The following VPS54 variants were observed in gnomAD, a reference collection of about 807,000 sequenced individuals.
The protein encoded by VPS54 is vacuolar protein sorting-associated protein 54.
VPS54 carries 45 observed loss-of-function variants against 121.5 expected under a neutral mutation model. The observed-to-expected ratio is 0.37, with a 90% CI of 0.29 to 0.47. The LOEUF (loss-of-function observed/expected upper bound fraction) is 0.47, where lower values mean the gene tolerates loss of function less well. VPS54 is among the 20% of genes least tolerant of loss of function. The pLI is 0.99. For missense variants in VPS54, 1,090 were observed against 1,131.4 expected, an observed-to-expected ratio of 0.96 and a Z score of 0.52; for synonymous variants, 371 against 385.8, an observed-to-expected ratio of 0.96 and a Z score of 0.45.
At chr2:63,969,529 C>G (rs1262453773) in intron 4 of VPS54, among the ~76,000 whole-genome samples, 1 of 152,176 alleles carries the variant, frequency 6.6e-6, no homozygotes, top group Non-Finnish European at 1.5e-5. Flanking sequence ...GATGATCTGT[C>G]ACTGTCTCCC....
chr2:63,940,986 G>A (rs1319161214), intron 11 of VPS54, among the ~76,000 whole-genome samples: 1 of 152,156 alleles, frequency 6.6e-6, no homozygotes, highest in Non-Finnish European at 1.5e-5. Context: ...AACCTGATTG[G>A]AGAGCTTACA....
intron 20 of VPS54, among the ~76,000 whole-genome samples, chr2:63,910,902 C>T (rs989657069): frequency 1.3e-5 from 2 of 152,052 alleles, no homozygotes; most frequent in African/African-American, 4.8e-5. Flanking sequence ...ATTAATTGTT[C>T]CACTATTTTT....
chr2:63,949,974 T>C (rs529424813), intron 7 of VPS54, among the ~76,000 whole-genome samples: 1 of 152,322 alleles, frequency 6.6e-6, no homozygotes, highest in Admixed American at 6.5e-5. Flanking sequence ...CTGCTGCTTC[T>C]ATCTCTTTTT....
At chr2:63,924,293 C>G (rs1307302695) in intron 12 of VPS54, among the ~76,000 whole-genome samples, 1 of 152,168 alleles carries the variant, frequency 6.6e-6, no homozygotes, top group Non-Finnish European at 1.5e-5. Flanking sequence ...TCCCTTATAG[C>G]TAGACATAGT....
At chr2:63,916,620 T>A (rs975085184) in intron 16 of VPS54, among the ~76,000 whole-genome samples, 1 of 152,152 alleles carries the variant, frequency 6.6e-6, no homozygotes, top group African/African-American at 2.4e-5. Context: ...ATGGATCCAC[T>A]ACAATTACTC....
At chr2:63,988,615 G>A (rs747682495) in intron 1 of VPS54, among the ~76,000 whole-genome samples, 9 of 152,078 alleles carry the variant, frequency 5.9e-5, no homozygotes, top group East Asian at 3.9e-4. Context: ...AAGATTTCAC[G>A]GACATTTATC....
chr2:63,954,425 TTTTGAAAACAGC>T (rs1675397980), intron 7 of VPS54, among the ~76,000 whole-genome samples: 1 of 152,150 alleles, frequency 6.6e-6, no homozygotes. Flanking sequence ...CAATTCGTTA[TTTTGAAAACAGC>T]TAAATAAAGG....
At chr2:63,903,382 T>G (rs912437366) in intron 20 of VPS54, among the ~76,000 whole-genome samples, 2 of 152,166 alleles carry the variant, frequency 1.3e-5, no homozygotes, top group African/African-American at 4.8e-5. Context: ...GGCAGATACA[T>G]TCACAAGAAA....
At chr2:63,972,307 G>C (rs1413183921) in intron 3 of VPS54, 63 bp from the exon 4 acceptor site, 1 of 1,286,590 alleles carries the variant, frequency 7.8e-7, no homozygotes, top group African/African-American at 1.5e-5. Flanking sequence ...AAGCATGAAA[G>C]TGTTTTGCAA....
chr2:64,013,677 TATTGATATATATCACATATATAG>T (rs1678550235), intron 1 of VPS54, among the ~76,000 whole-genome samples: 1 of 146,746 alleles, frequency 6.8e-6, no homozygotes, highest in African/African-American at 2.5e-5. Context: ...TATATCTATA[TATTGATATATATCACATATATAG>T]AGATATATAT....
chr2:63,981,432 A>C (rs1166512721), intron 3 of VPS54, among the ~76,000 whole-genome samples: 1 of 152,150 alleles, frequency 6.6e-6, no homozygotes, highest in Non-Finnish European at 1.5e-5. Flanking sequence ...ATTATTTGGA[A>C]TGTGTAATTC....
intron 1 of VPS54, among the ~76,000 whole-genome samples, chr2:63,999,874 G>A (rs921622895): frequency 3.3e-5 from 5 of 150,696 alleles, no homozygotes; most frequent in African/African-American, 1.2e-4. Context: ...GCCGTTTTTT[G>A]TTTTGAGATG....
chr2:63,991,109 A>C (rs1677296794), intron 1 of VPS54, among the ~76,000 whole-genome samples: 1 of 152,202 alleles, frequency 6.6e-6, no homozygotes, highest in African/African-American at 2.4e-5. Context: ...ACTTATGCCC[A>C]ATTAAACTTT....
At chr2:63,939,746 A>G (rs991747200) in intron 11 of VPS54, among the ~76,000 whole-genome samples, 3 of 150,610 alleles carry the variant, frequency 2.0e-5, no homozygotes, top group African/African-American at 7.3e-5. Flanking sequence ...ATCACACTAT[A>G]TAAGTACATC....
chr2:63,947,624 GA>G, intron 8 of VPS54, 134 bp from the exon 9 acceptor site: 1 of 754,278 alleles, frequency 1.3e-6, no homozygotes, highest in Non-Finnish European at 1.9e-6. Context: ...CTAGCAGCCT[GA>G]AAACCCCTCC....
intron 6 of VPS54, among the ~76,000 whole-genome samples, chr2:63,963,177 C>T (rs967517163): frequency 6.6e-6 from 1 of 151,794 alleles, no homozygotes; most frequent in African/African-American, 2.4e-5. Flanking sequence ...AAAAGTGATT[C>T]TTTTATCAAT....
intron 1 of VPS54, among the ~76,000 whole-genome samples, chr2:64,017,265 A>G (rs971311562): frequency 4.6e-5 from 7 of 151,118 alleles, no homozygotes; most frequent in Non-Finnish European, 8.9e-5. Context: ...TGAAGCCGGT[A>G]GGCGGAGGTT....
At chr2:64,016,973 T>A (rs1368171524) in intron 1 of VPS54, among the ~76,000 whole-genome samples, 1 of 145,356 alleles carries the variant, frequency 6.9e-6, no homozygotes, top group Non-Finnish European at 1.5e-5. Context: ...AAGCAGTTTT[T>A]AAAAAGCAAA....
intron 12 of VPS54, among the ~76,000 whole-genome samples, chr2:63,928,225 G>A (rs976510989): frequency 2.6e-5 from 4 of 152,150 alleles, no homozygotes; most frequent in African/African-American, 7.2e-5. Flanking sequence ...ATTCACCAAG[G>A]GTGAAATGAA....
Sources: gnomAD v4.1 joint callset for allele counts (sites outside exome capture counted in the v4.1 genomes callset) on GRCh38, gnomAD v4.1.1 for gene constraint, MANE v1.5 for transcripts, NCBI Gene and HGNC (gene_info 2026-07-23, HGNC 2026-07-21) for gene names.